NCAPD2: variants seen among roughly 807,000 people sequenced by gnomAD.
NCAPD2 encodes non-SMC condensin I complex subunit D2, also known as condensin complex subunit 1.
A neutral mutation model predicts 164.5 loss-of-function variants in NCAPD2; 100 were observed. The observed-to-expected ratio is 0.61, with a 90% CI of 0.52 to 0.72. NCAPD2 has a LOEUF of 0.72. Among genes scored for constraint, NCAPD2 ranks in the 30% least tolerant of loss-of-function variants. The pLI, the probability that NCAPD2 is intolerant of heterozygous loss-of-function variation, is 0.00. For synonymous variants in NCAPD2, 585 were observed against 642.6 expected, an observed-to-expected ratio of 0.91 and a Z score of 1.36; for missense variants, 1,560 against 1,749.2, an observed-to-expected ratio of 0.89 and a Z score of 1.93.
Position 6,517,176 on chromosome 12 carries a change from G to A in NCAPD2, c.1185+151G>A, listed in dbSNP as rs1946210283. ...GTAAAAGTCTTCCTCTACCAAGGAC[G>A]AGGATATCTGGCTCCCTTTAAGGAC... On this transcript the variant is annotated intron_variant, in intron 10 of 31. Transcript: ENST00000315579. 5 of 1,241,022 alleles carry A rather than the reference G, an allele frequency of 4.0e-6. No individual in the cohort carries two copies. In the East Asian group the frequency reaches 9.6e-5, roughly 24 times the overall value. 76.9% of individuals were successfully genotyped at this position (1,241,022 alleles called of 1,614,324 possible).
intron 2 of NCAPD2, among the ~76,000 whole-genome samples, chr12:6,495,857 C>T (rs1012614298): frequency 6.6e-6 from 1 of 152,070 alleles, no homozygotes; most frequent in South Asian, 2.1e-4. Context: ...CCTGGTTCTA[C>T]CACTCTGACC....
At position 6,528,690 on chromosome 12, in the gene NCAPD2, C is replaced by A; in HGVS notation, c.3311C>A (p.Pro1104His). 6.2e-7 allele frequency: 1 copy of A among 1,612,374 alleles called. No homozygotes were observed. The highest frequency in any genetic ancestry group is 8.5e-7 in the Non-Finnish European group (1 of 1,178,586). The change falls in exon 26 of 32, where the codon CCT (proline) becomes CAT (histidine). Residue 1104 changes from proline to histidine, a missense_variant. Coordinates refer to ENST00000315579, the MANE Select transcript of NCAPD2 (RefSeq NM_014865.4). This position sits in a 1 kb window ranked among gnomAD's most constrained non-coding sequence, Gnocchi z 5.1. ...AATTCCATTCCTAGTCTCCGGGACC[C>A]TGCTCAGCAAGTGCGGAAAACAGCG... is the stretch of plus-strand genomic sequence containing the variant. ...TPHLYARLRD[P>H]AQQVRKTAGL...
Position 6,522,044 on chromosome 12 carries a change from C to G in NCAPD2, c.1954+7C>G, listed in dbSNP as rs1230573609. On this transcript the variant is annotated splice_region_variant and intron_variant, in intron 15 of 31. Transcript: ENST00000315579. ...TATGAAAACACAACTACAGGTATGC[C>G]AGAGTCCCTTTCTATAAGGACAGCC... The G allele has an allele frequency of 1.9e-6, 3 of 1,612,468 alleles. No individual in the cohort carries two copies. In the African/African-American group the frequency reaches 4.0e-5, roughly 22 times the overall value.
intron 6 of NCAPD2, among the ~76,000 whole-genome samples, chr12:6,511,686 A>C (rs1252576945): frequency 6.6e-6 from 1 of 152,024 alleles, no homozygotes; most frequent in Non-Finnish European, 1.5e-5. Context: ...TGTGATTTTA[A>C]ATCAGCTACT....
At chr12:6,522,670 T>C (rs1289644623) in intron 15 of NCAPD2, among the ~76,000 whole-genome samples, 158 bp from the exon 16 acceptor site, 1 of 152,212 alleles carries the variant, frequency 6.6e-6, no homozygotes, top group Non-Finnish European at 1.5e-5. Context: ...TTAATGCATA[T>C]AGTATTTCAT....
At chr12:6,518,504 G>GTTTTTTTTTTTTTTTGTTTTTTTT (rs1946227130) in intron 13 of NCAPD2, among the ~76,000 whole-genome samples, 8 of 44,774 alleles carry the variant, frequency 1.8e-4, no homozygotes, top group African/African-American at 8.2e-4. Context: ...CCGTCAACAA[G>GTTTTTTTTTTTTTTTGTTTTTTTT]TTTTTTTTTT....
At chr12:6,513,745 T>C (rs1946173671) in intron 6 of NCAPD2, among the ~76,000 whole-genome samples, 1 of 145,680 alleles carries the variant, frequency 6.9e-6, no homozygotes, top group Non-Finnish European at 1.5e-5. Context: ...TGATGGAGTC[T>C]CGCAATGTCG....
In NCAPD2 at chr12:6,526,458, C is replaced by T. The variant is rs769451634; in HGVS notation, c.2577C>T (p.His859=). 1 of 1,614,174 alleles carries T rather than the reference C, an allele frequency of 6.2e-7. No homozygotes were observed. The highest frequency in any genetic ancestry group is 1.1e-5 in the South Asian group (1 of 91,068). ...LRETVTKGFV[H]PDPLWIPFKE... is the part of the protein sequence containing the mutation. ...CCTCCTCCTCTGCAGGCTTTGTCCA[C>T]CCAGACCCACTCTGGATCCCATTCA... Residue 859 remains histidine (H), a synonymous_variant, in exon 21 of 32, where the codon CAC becomes CAT. Transcript: ENST00000315579.
intron 6 of NCAPD2, 53 bp from the exon 7 acceptor site, chr12:6,514,212 T>C: frequency 6.2e-7 from 1 of 1,610,728 alleles, no homozygotes; most frequent in Non-Finnish European, 8.5e-7. Context: ...AGGGCTCTGA[T>C]ACAATTGGAT....
chr12:6,501,679 G>A (rs904556421), intron 2 of NCAPD2, among the ~76,000 whole-genome samples: 3 of 152,138 alleles, frequency 2.0e-5, no homozygotes, highest in Non-Finnish European at 2.9e-5. Flanking sequence ...CCATGAGATT[G>A]CAGTGAGTGT....
At chr12:6,498,372 C>A (rs563815919) in intron 2 of NCAPD2, among the ~76,000 whole-genome samples, 8 of 152,274 alleles carry the variant, frequency 5.3e-5, no homozygotes, top group Admixed American at 4.6e-4. Context: ...GATAATACAA[C>A]AGTAAACAAA....
intron 2 of NCAPD2, among the ~76,000 whole-genome samples, chr12:6,503,226 A>G (rs1331632291): frequency 6.6e-6 from 1 of 151,590 alleles, no homozygotes; most frequent in African/African-American, 2.4e-5. Context: ...AATATGTGAT[A>G]CAAGCTCAAC....
In NCAPD2 at chr12:6,526,187, C is replaced by G. The variant is rs369160973; in HGVS notation, c.2468C>G (p.Ser823Trp). 6.2e-7 allele frequency: 1 copy of G among 1,614,060 alleles called. No homozygotes were observed. The highest frequency in any genetic ancestry group is 1.3e-5 in the African/African-American group (1 of 74,920). Residue 823 changes from serine (S) to tryptophan (W), a missense_variant, in exon 19 of 32, where the codon TCG (serine) becomes TGG (tryptophan). Physicochemically the swap from Ser to Trp is radical, Grantham distance 177 (BLOSUM62 -3). Transcript: ENST00000315579. ...GTGTGCCATGCCATTGCCAACATCTCGGACAGGAGAAAGGTATGTGGGGGT... is the reference window on the plus strand; with the variant it reads ...GTGTGCCATGCCATTGCCAACATCTGGGACAGGAGAAAGGTATGTGGGGGT... ...QQVCHAIANI[S>W]DRRKPSLGKR...
At chr12:6,514,242 A>G (rs1302290372) in intron 6 of NCAPD2, 23 bp from the exon 7 acceptor site, 4 of 1,614,032 alleles carry the variant, frequency 2.5e-6, no homozygotes, top group Non-Finnish European at 3.4e-6. Flanking sequence ...TGCTTTCATC[A>G]TCTCAAACTC....
intron 16 of NCAPD2, 86 bp from the exon 17 acceptor site, chr12:6,523,176 C>T: frequency 6.8e-7 from 1 of 1,477,934 alleles, no homozygotes; most frequent in Non-Finnish European, 9.4e-7. Context: ...AGTTTTGTAG[C>T]ACTGTGGTGG....
intron 13 of NCAPD2, 38 bp downstream of exon 13, chr12:6,517,997 A>G: frequency 6.3e-7 from 1 of 1,596,112 alleles, no homozygotes; most frequent in Non-Finnish European, 8.6e-7. Flanking sequence ...TGATCTGTTT[A>G]TGTTTAGAGT....
At chr12:6,518,503 A>ATTTTTTTTTTT (rs1565544079) in intron 13 of NCAPD2, among the ~76,000 whole-genome samples, 3 of 30,710 alleles carry the variant, frequency 9.8e-5, no homozygotes, top group Non-Finnish European at 1.8e-4. Context: ...GCCGTCAACA[A>ATTTTTTTTTTT]GTTTTTTTTT....
intron 9 of NCAPD2, 90 bp downstream of exon 9, chr12:6,515,010 C>CT: frequency 7.1e-7 from 1 of 1,407,438 alleles, no homozygotes; most frequent in South Asian, 1.2e-5. Flanking sequence ...AAGAAAGTAG[C>CT]TTTGACAAGT....
intron 4 of NCAPD2, chr12:6,510,400 T>G: frequency 1.3e-6 from 1 of 783,546 alleles, no homozygotes; most frequent in Non-Finnish European, 2.3e-6. Flanking sequence ...ATAGGGGTGA[T>G]TCTTCCAGTT....
Sources: allele counts gnomAD v4.1 joint callset (sites outside exome capture counted in the v4.1 genomes callset), GRCh38; gene constraint gnomAD v4.1.1; non-coding constraint Gnocchi (gnomAD v3.1); transcripts MANE v1.5; gene names NCBI Gene and HGNC (gene_info 2026-07-23, HGNC 2026-07-21).